Variants in LRP5 observed in about 807,000 individuals in gnomAD.
LRP5 encodes the protein low-density lipoprotein receptor-related protein 5.
LRP5 carries 62 observed loss-of-function variants against 154.1 expected under a neutral mutation model. That is an observed-to-expected ratio of 0.40 (90% confidence interval 0.33 to 0.50). The LOEUF (loss-of-function observed/expected upper bound fraction) is 0.50. LRP5 is among the 20% of genes least tolerant of loss of function. The pLI is 0.55. For synonymous variants in LRP5, 966 were observed against 1,011.5 expected (o/e 0.96, Z 0.85); for missense variants, 1,915 against 2,336.7 (o/e 0.82, Z 3.72).
intron 1 of LRP5, among the ~76,000 whole-genome samples, chr11:68,341,479 C>A (rs748112320): frequency 3.3e-5 from 5 of 152,122 alleles, no homozygotes; most frequent in Admixed American, 1.3e-4. Flanking sequence ...AGAGGTCAGG[C>A]TAGAGGTCAG....
chr11:68,432,124 G>A (rs1016468642), intron 17 of LRP5, among the ~76,000 whole-genome samples: 10 of 152,148 alleles, frequency 6.6e-5, no homozygotes, highest in Admixed American at 1.3e-4. Context: ...TCCCTGAGCC[G>A]GGCGCGCCCC....
chr11:68,336,080 G>A (rs1591188555), intron 1 of LRP5, among the ~76,000 whole-genome samples: 1 of 152,336 alleles, frequency 6.6e-6, no homozygotes, highest in East Asian at 1.9e-4. Flanking sequence ...CCAAGTAGCA[G>A]TGAGCACACC....
intron 9 of LRP5, 114 bp downstream of exon 9, chr11:68,406,927 G>A (rs1490258483): frequency 2.2e-5 from 24 of 1,078,838 alleles, no homozygotes; most frequent in African/African-American, 4.7e-5. Flanking sequence ...TTATTGTAAC[G>A]CAGTTCAAGC....
intron 2 of LRP5, 56 bp from the exon 3 acceptor site, chr11:68,357,594 C>A: frequency 6.5e-7 from 1 of 1,537,848 alleles, no homozygotes; most frequent in African/African-American, 1.4e-5. Context: ...TCTATGCAGA[C>A]AAAAACAAAA....
chr11:68,324,896 C>T (rs1308130047), intron 1 of LRP5, among the ~76,000 whole-genome samples: 1 of 152,156 alleles, frequency 6.6e-6, no homozygotes, highest in East Asian at 1.9e-4. Context: ...AGGTCTGGCA[C>T]GCCACTGGGT....
intron 2 of LRP5, among the ~76,000 whole-genome samples, chr11:68,354,569 C>T (rs975391396): frequency 8.5e-5 from 13 of 152,238 alleles, no homozygotes; most frequent in Non-Finnish European, 1.8e-4. Context: ...TAAAGCAAGG[C>T]GTCTGCCGCA....
intron 5 of LRP5, among the ~76,000 whole-genome samples, chr11:68,384,929 C>T (rs1239223739): frequency 6.6e-6 from 1 of 152,158 alleles, no homozygotes; most frequent in Non-Finnish European, 1.5e-5. Context: ...GATCCCTGGG[C>T]CCTGTTGCTC....
chr11:68,425,895 G>C (rs955452822), intron 15 of LRP5, 83 bp from the exon 16 acceptor site: 4 of 1,257,744 alleles, frequency 3.2e-6, no homozygotes, highest in Non-Finnish European at 4.6e-6. Context: ...TGGCAGTCCT[G>C]TCAACCTCTG....
chr11:68,309,713 T>C (rs1042962097), upstream of LRP5, among the ~76,000 whole-genome samples: 3 of 152,172 alleles, frequency 2.0e-5, no homozygotes, highest in Non-Finnish European at 4.4e-5. Context: ...TTGGGCCAGT[T>C]GTAATGTGTC....
At chr11:68,306,543 G>T in the LRP5 span, among the ~76,000 whole-genome samples, 16 of 152,300 alleles carry the variant, frequency 1.1e-4, no homozygotes, top group African/African-American at 3.9e-4. Context: ...CACCCGGGAA[G>T]ACCCTTTTCC....
the LRP5 span, among the ~76,000 whole-genome samples, chr11:68,302,677 C>T: frequency 2.0e-5 from 3 of 152,282 alleles, no homozygotes; most frequent in East Asian, 5.8e-4. Flanking sequence ...TCATCTCAGG[C>T]CTGGCAAGAA....
chr11:68,375,078 G>C (rs1591246375), intron 5 of LRP5, among the ~76,000 whole-genome samples: 2 of 152,348 alleles, frequency 1.3e-5, no homozygotes, highest in East Asian at 3.9e-4. Context: ...GGCGAGCTTT[G>C]CGCTTGCAGG....
Position 68,388,353 on chromosome 11 carries a change from G to A in LRP5, c.1413-1528G>A, listed in dbSNP as rs145272789. 3.4e-3 allele frequency among the ~76,000 whole-genome samples: 511 copies of A among 152,210 alleles called. 3 individuals carry two copies. Among genetic ancestry groups the A allele is most frequent in the South Asian group, 0.015 (71 of 4,816 alleles). ...CTGTGAAAAAGGAAGGGATGGGGAA[G>A]CTGACTCCAAGGCCCCTCCTAGCCC... is the stretch of plus-strand genomic sequence containing the variant. On this transcript the variant is annotated intron_variant, in intron 6 of 22. Coordinates refer to ENST00000294304, the MANE Select transcript of LRP5 (RefSeq NM_002335.4).
intron 7 of LRP5, among the ~76,000 whole-genome samples, chr11:68,390,655 T>C (rs1279896347): frequency 1.9e-4 from 29 of 148,728 alleles, no homozygotes; most frequent in African/African-American, 6.7e-4. Flanking sequence ...GCCCTGCCGC[T>C]GTGGTCGGGT....
At chr11:68,391,337 G>A (rs1314840252) in intron 7 of LRP5, among the ~76,000 whole-genome samples, 1 of 152,162 alleles carries the variant, frequency 6.6e-6, no homozygotes, top group African/African-American at 2.4e-5. Context: ...TCGCACCATC[G>A]TCACCCATTG....
At chr11:68,411,983 A>G (rs913593462) in intron 11 of LRP5, among the ~76,000 whole-genome samples, 2 of 152,172 alleles carry the variant, frequency 1.3e-5, no homozygotes, top group African/African-American at 4.8e-5. Context: ...CTTAGGTCAC[A>G]TAGCTGGTGA....
the LRP5 span, among the ~76,000 whole-genome samples, chr11:68,300,936 A>G: frequency 7.3e-6 from 1 of 137,698 alleles, no homozygotes; most frequent in Admixed American, 7.2e-5. Context: ...TTTTTTTTTT[A>G]TTTTTTTGAG....
At chr11:68,300,445 C>A in the LRP5 span, among the ~76,000 whole-genome samples, 6 of 149,376 alleles carry the variant, frequency 4.0e-5, no homozygotes, top group African/African-American at 1.5e-4. Flanking sequence ...TAAGGTGGGA[C>A]ATTCTGCCTC....
intron 5 of LRP5, among the ~76,000 whole-genome samples, chr11:68,380,884 T>C (rs1365355746): frequency 1.3e-5 from 2 of 152,196 alleles, no homozygotes; most frequent in East Asian, 3.8e-4. Flanking sequence ...TACCCTCTGC[T>C]CCCGGCTGGG....
Sources: gnomAD v4.1 joint callset for allele counts (sites outside exome capture counted in the v4.1 genomes callset) on GRCh38, gnomAD v4.1.1 for gene constraint, MANE v1.5 for transcripts, NCBI Gene and HGNC (gene_info 2026-07-23, HGNC 2026-07-21) for gene names.